The following DSCAM variants were observed in gnomAD, a reference collection of about 807,000 sequenced individuals.
The protein encoded by DSCAM is cell adhesion molecule DSCAM.
DSCAM carries 47 observed loss-of-function variants against 217.7 expected under a neutral mutation model. The observed-to-expected ratio is 0.22, with a 90% CI of 0.17 to 0.28. The LOEUF is 0.28. Among genes scored for constraint, DSCAM ranks in the 10% least tolerant of loss-of-function variants. DSCAM has a pLI of 1.00. For missense variants in DSCAM, 2,080 were observed against 2,618.3 expected (o/e 0.79, Z 4.49); for synonymous variants, 1,056 against 1,015.3 (o/e 1.04, Z -0.76).
At chr21:40,484,484 A>G (rs900175480) in intron 3 of DSCAM, among the ~76,000 whole-genome samples, 5 of 152,226 alleles carry the variant, frequency 3.3e-5, no homozygotes, top group African/African-American at 7.2e-5. Context: ...AGAATCTTCA[A>G]TGGAACCAGT....
intron 1 of DSCAM, among the ~76,000 whole-genome samples, chr21:40,768,042 T>C (rs1473772574): frequency 6.6e-6 from 1 of 152,236 alleles, no homozygotes; most frequent in Non-Finnish European, 1.5e-5. Context: ...AGTGGAAAAC[T>C]ACTTATAAAA....
intron 3 of DSCAM, among the ~76,000 whole-genome samples, chr21:40,435,616 T>C (rs1041550460): frequency 6.6e-6 from 1 of 152,212 alleles, no homozygotes; most frequent in Non-Finnish European, 1.5e-5. Flanking sequence ...CAATTGCTCT[T>C]GTACTGTTTT....
At chr21:40,051,575 C>A (rs1053129865) in intron 30 of DSCAM, among the ~76,000 whole-genome samples, 1 of 152,134 alleles carries the variant, frequency 6.6e-6, no homozygotes, top group Non-Finnish European at 1.5e-5. Context: ...ACCTGCTTCA[C>A]GAGTAGGTAT....
intron 3 of DSCAM, among the ~76,000 whole-genome samples, chr21:40,409,360 T>A (rs2075303786): frequency 6.6e-6 from 1 of 152,210 alleles, no homozygotes. Flanking sequence ...TTGGAAAACA[T>A]GCAGGGAAGC....
intron 3 of DSCAM, among the ~76,000 whole-genome samples, chr21:40,442,551 G>A (rs1428465188): frequency 2.6e-5 from 3 of 116,528 alleles, no homozygotes; most frequent in Non-Finnish European, 4.8e-5. Flanking sequence ...ATTGGGTCTC[G>A]CTCTGTCACC....
intron 8 of DSCAM, among the ~76,000 whole-genome samples, chr21:40,315,656 T>G (rs1376606009): frequency 2.0e-5 from 3 of 152,158 alleles, no homozygotes; most frequent in Non-Finnish European, 4.4e-5. Context: ...TTTTTATCAT[T>G]ACTTTAGTAC....
chr21:40,407,225 C>T (rs2075286835), intron 3 of DSCAM, among the ~76,000 whole-genome samples: 1 of 152,142 alleles, frequency 6.6e-6, no homozygotes, highest in African/African-American at 2.4e-5. Context: ...AAATTGTGTA[C>T]ATTTCCACAT....
chr21:40,490,528 A>G (rs2076068150), intron 3 of DSCAM, among the ~76,000 whole-genome samples: 1 of 152,054 alleles, frequency 6.6e-6, no homozygotes, highest in African/African-American at 2.4e-5. Context: ...ATGTGAGAGG[A>G]AGGAGGTTAG....
intron 8 of DSCAM, among the ~76,000 whole-genome samples, chr21:40,322,855 T>G (rs1018483259): frequency 4.6e-5 from 7 of 152,136 alleles, no homozygotes; most frequent in African/African-American, 1.7e-4. Flanking sequence ...AAAATGTGTT[T>G]AGGAAAAGGT....
intron 3 of DSCAM, among the ~76,000 whole-genome samples, chr21:40,437,768 G>A (rs370702266): frequency 6.6e-6 from 1 of 152,066 alleles, no homozygotes; most frequent in African/African-American, 2.4e-5. Context: ...GAGAATTACT[G>A]GAACCTGGGA....
At chr21:40,463,556 G>A (rs528652155) in intron 3 of DSCAM, among the ~76,000 whole-genome samples, 2 of 152,230 alleles carry the variant, frequency 1.3e-5, no homozygotes, top group African/African-American at 4.8e-5. Flanking sequence ...TGAAACTTGG[G>A]CATCCTCTGT....
intron 1 of DSCAM, among the ~76,000 whole-genome samples, chr21:40,748,525 C>T (rs1035736634): frequency 1.3e-5 from 2 of 151,820 alleles, no homozygotes; most frequent in Non-Finnish European, 2.9e-5. Context: ...ATAAACTTAA[C>T]CAAGGAGGTG....
intron 11 of DSCAM, among the ~76,000 whole-genome samples, chr21:40,272,728 C>T (rs1038274763): frequency 6.6e-6 from 1 of 152,140 alleles, no homozygotes; most frequent in Non-Finnish European, 1.5e-5. Context: ...GTCTTAATTT[C>T]CTGACATCAT....
chr21:40,062,123 G>A lies in DSCAM; in HGVS notation c.4919+746C>T, dbSNP rs191900950. ...AGCACAAGAAAACTGAACATTTGAA[G>A]AGGGGGACTGGGTGGAAAATAGAGT... On this transcript the variant is annotated intron_variant, in intron 28 of 32. Transcript: ENST00000400454. Among the ~76,000 whole-genome samples the A allele has an allele frequency of 1.1e-3, 169 of 152,348 alleles. 1 individual carries two copies. The highest frequency in any genetic ancestry group is 1.9e-3 in the Non-Finnish European group (127 of 68,030).
chr21:40,699,839 G>A (rs1401246527), intron 2 of DSCAM, among the ~76,000 whole-genome samples: 1 of 152,204 alleles, frequency 6.6e-6, no homozygotes, highest in Non-Finnish European at 1.5e-5. Flanking sequence ...AGCAGCAAGT[G>A]TTGATGGAGA....
intron 11 of DSCAM, among the ~76,000 whole-genome samples, chr21:40,266,671 A>ATATATATATATAT (rs1555896542): frequency 1.7e-5 from 2 of 115,928 alleles, no homozygotes; most frequent in African/African-American, 7.7e-5. Context: ...ATATATATAT[A>ATATATATATATAT]ATCTTGAAAT....
At chr21:40,101,482 G>A (rs1327677683) in intron 20 of DSCAM, among the ~76,000 whole-genome samples, 9 of 151,912 alleles carry the variant, frequency 5.9e-5, no homozygotes, top group Non-Finnish European at 8.8e-5. Context: ...ATGGATGGAC[G>A]TGGTAGGATG....
chr21:40,224,293 C>A (rs1057421200), intron 11 of DSCAM, among the ~76,000 whole-genome samples: 4 of 152,152 alleles, frequency 2.6e-5, no homozygotes, highest in African/African-American at 9.7e-5. Flanking sequence ...GAGAATAAAT[C>A]TGGTGATAAA....
intron 16 of DSCAM, among the ~76,000 whole-genome samples, chr21:40,156,474 G>A (rs1313590785): frequency 6.6e-6 from 1 of 152,188 alleles, no homozygotes; most frequent in Non-Finnish European, 1.5e-5. Context: ...ACTGAAAGGT[G>A]AGCTTTAATT....
Sources: allele counts gnomAD v4.1 joint callset (sites outside exome capture counted in the v4.1 genomes callset), GRCh38; gene constraint gnomAD v4.1.1; transcripts MANE v1.5; gene names NCBI Gene and HGNC (gene_info 2026-07-23, HGNC 2026-07-21).